Variants in ATP9B observed in about 807,000 individuals in gnomAD.
ATP9B encodes ATPase phospholipid transporting 9B.
In ATP9B, 110 loss-of-function variants were observed where a neutral mutation model predicts 146.1. The observed-to-expected ratio is 0.75, with a 90% CI of 0.65 to 0.88. The LOEUF is 0.88. ATP9B is among the 40% of genes least tolerant of loss of function. ATP9B has a pLI of 0.00. For missense variants in ATP9B, 1,499 were observed against 1,496.4 expected (o/e 1.00, Z -0.03); for synonymous variants, 604 against 569.7 (o/e 1.06, Z -0.86).
At position 79,072,764 on chromosome 18, in the gene ATP9B, C is replaced by T. The variant is rs181113152; in HGVS notation, c.119+3235C>T. 1.8e-3 allele frequency among the ~76,000 whole-genome samples: 270 copies of T among 151,874 alleles called. 3 individuals are homozygous for T. The highest frequency in any genetic ancestry group is 6.1e-3 in the African/African-American group (253 of 41,458). ...GGCGCCCCCCACCTCCCAGACGGGGCGGCTGGGCGGAGATGCTTCTCACCT... is the reference window on the plus strand; with the variant it reads ...GGCGCCCCCCACCTCCCAGACGGGGTGGCTGGGCGGAGATGCTTCTCACCT... On this transcript the variant is annotated intron_variant, in intron 1 of 29. Transcript: ENST00000426216.
chr18:79,346,300 C>G (rs8085057), intron 23 of ATP9B, among the ~76,000 whole-genome samples: 1 of 150,630 alleles, frequency 6.6e-6, no homozygotes. Flanking sequence ...GCTCAGCACA[C>G]ACTTGGCACA....
intron 28 of ATP9B, 142 bp downstream of exon 28, chr18:79,374,243 C>T (rs1292567276): frequency 1.0e-6 from 1 of 1,004,284 alleles, no homozygotes; most frequent in Non-Finnish European, 1.5e-6. Context: ...CTTACTGTCC[C>T]TGCACCACGG....
intron 8 of ATP9B, among the ~76,000 whole-genome samples, chr18:79,180,980 T>G (rs1050516823): frequency 3.3e-5 from 5 of 151,718 alleles, no homozygotes; most frequent in South Asian, 4.2e-4. Flanking sequence ...TTTTTGTTTT[T>G]TTTTTTTTTA....
chr18:79,154,500 G>T lies in ATP9B; in HGVS notation c.727-4G>T. On this transcript the variant is annotated splice_polypyrimidine_tract_variant and splice_region_variant and intron_variant, in intron 6 of 29. Coordinates refer to ENST00000426216, the MANE Select transcript of ATP9B (RefSeq NM_198531.5). ...TAATTAATCTTTTATAATGCTCTTT[G>T]CAGAATCAAAGAATTCCATCGGACA... 1 of 1,534,768 alleles carries T rather than the reference G, an allele frequency of 6.5e-7. No homozygotes were observed. Among genetic ancestry groups the T allele is most frequent in the Non-Finnish European group, 8.7e-7 (1 of 1,148,858 alleles).
rs1401945426 is a variant in ATP9B at position 79,344,294 on chromosome 18, G to A, written c.2412G>A (p.Glu804=). ...CCAGTCGGGGAGAGGCACATTTGGA[G>A]CTGAATGCATTTCGAAGGAAGCATG... ...QVTSRGEAHL[E]LNAFRRKHDC... Residue 804 remains glutamate (E), a synonymous_variant, in exon 21 of 30, where the codon GAG becomes GAA. Transcript: ENST00000426216. The A allele has an allele frequency of 6.2e-7, 1 of 1,614,222 alleles. No homozygotes were observed. The highest frequency in any genetic ancestry group is 1.7e-5 in the Admixed American group (1 of 60,028).
intron 15 of ATP9B, among the ~76,000 whole-genome samples, chr18:79,328,669 GTTAA>G (rs1395106297): frequency 6.6e-6 from 1 of 152,168 alleles, no homozygotes; most frequent in African/African-American, 2.4e-5. Flanking sequence ...CATTAATAGA[GTTAA>G]TTAGTCACCA....
chr18:79,178,493 T>C (rs1479584964), intron 8 of ATP9B, among the ~76,000 whole-genome samples: 1 of 152,170 alleles, frequency 6.6e-6, no homozygotes, highest in East Asian at 1.9e-4. Context: ...TGATGTATAA[T>C]GCTAGCTGCA....
At chr18:79,267,652 A>G (rs1436513484) in intron 12 of ATP9B, among the ~76,000 whole-genome samples, 1 of 152,126 alleles carries the variant, frequency 6.6e-6, no homozygotes, top group Admixed American at 6.5e-5. Context: ...TTATAAGCAT[A>G]GTTGAGAAAT....
At chr18:79,234,529 T>A (rs2095821144) in intron 11 of ATP9B, among the ~76,000 whole-genome samples, 1 of 152,202 alleles carries the variant, frequency 6.6e-6, no homozygotes, top group African/African-American at 2.4e-5. Flanking sequence ...CACGGCCAGC[T>A]CCGCCACTAC....
At chr18:79,149,959 T>C (rs2094657858) in intron 6 of ATP9B, among the ~76,000 whole-genome samples, 1 of 152,116 alleles carries the variant, frequency 6.6e-6, no homozygotes, top group African/African-American at 2.4e-5. Context: ...TGTGCACCTA[T>C]AGTCCTAGCT....
chr18:79,164,571 T>G (rs944536541), intron 7 of ATP9B, among the ~76,000 whole-genome samples: 3 of 151,766 alleles, frequency 2.0e-5, no homozygotes, highest in African/African-American at 7.3e-5. Context: ...AAAAAAAAAT[T>G]AGCCAGACAT....
At chr18:79,276,889 T>C (rs2096315974) in intron 12 of ATP9B, among the ~76,000 whole-genome samples, 165 bp from the exon 13 acceptor site, 1 of 152,172 alleles carries the variant, frequency 6.6e-6, no homozygotes, top group South Asian at 2.1e-4. Context: ...TGGGTCTGGA[T>C]CACATTAACC....
At chr18:79,326,758 AAT>A (rs2096749571) in intron 15 of ATP9B, among the ~76,000 whole-genome samples, 1 of 152,166 alleles carries the variant, frequency 6.6e-6, no homozygotes, top group South Asian at 2.1e-4. Context: ...TTGCTTAGAA[AAT>A]CTGATTTTAA....
rs1435584870 is a variant in ATP9B, at chr18:79,236,858, G to A, written c.1108-16523G>A. 1.3e-4 allele frequency among the ~76,000 whole-genome samples: 14 copies of A among 107,102 alleles called. No homozygotes were observed. In the East Asian group the frequency reaches 2.1e-3, roughly 16 times the overall value. 70.3% of individuals were successfully genotyped at this position (107,102 alleles called of 152,430 possible). On this transcript the variant is annotated intron_variant, in intron 11 of 29. Coordinates refer to ENST00000426216, the MANE Select transcript of ATP9B (RefSeq NM_198531.5). ...CCTGCCCCTTCCCCACTGTGTACAC[G>A]GTCCGTGCACGAGTCAGTGTCCACA...
At chr18:79,256,495 A>T (rs2096082680) in intron 12 of ATP9B, among the ~76,000 whole-genome samples, 1 of 150,556 alleles carries the variant, frequency 6.6e-6, no homozygotes, top group Admixed American at 6.6e-5. Context: ...TTTTACTTCT[A>T]TATTTATTTT....
chr18:79,220,540 A>C (rs1342757426), intron 11 of ATP9B, among the ~76,000 whole-genome samples: 1 of 152,112 alleles, frequency 6.6e-6, no homozygotes, highest in Non-Finnish European at 1.5e-5. Context: ...GTTTGAGGCT[A>C]CACTGAGCCA....
chr18:79,328,199 T>C (rs1256080081), intron 15 of ATP9B, among the ~76,000 whole-genome samples: 1 of 152,170 alleles, frequency 6.6e-6, no homozygotes, highest in African/African-American at 2.4e-5. Context: ...GTGTTCTCCG[T>C]GGTTAGCATG....
At chr18:79,182,642 C>G in intron 8 of ATP9B, among the ~76,000 whole-genome samples, 1 of 100,760 alleles carries the variant, frequency 9.9e-6, no homozygotes. Context: ...CATGGGAGGA[C>G]AAGTCTCATA....
chr18:79,216,540 G>T (rs2095628654), intron 11 of ATP9B, among the ~76,000 whole-genome samples: 1 of 152,202 alleles, frequency 6.6e-6, no homozygotes, highest in Non-Finnish European at 1.5e-5. Flanking sequence ...AAGGTTTTCA[G>T]TGTGGTAATT....
Sources: allele counts gnomAD v4.1 joint callset (sites outside exome capture counted in the v4.1 genomes callset), GRCh38; gene constraint gnomAD v4.1.1; transcripts MANE v1.5; gene names NCBI Gene and HGNC (gene_info 2026-07-23, HGNC 2026-07-21).